The following DCDC2 variants were observed in gnomAD, a reference collection of about 807,000 sequenced individuals.
The protein encoded by DCDC2 is doublecortin domain-containing protein 2.
DCDC2 carries 40 observed loss-of-function variants against 50.2 expected under a neutral mutation model. The observed-to-expected ratio is 0.80, with a 90% confidence interval of 0.62 to 1.04. DCDC2 has a LOEUF of 1.04. Ranked by LOEUF, DCDC2 falls within the 50% of genes least tolerant of loss-of-function variation. DCDC2 has a pLI of 0.00. For missense variants in DCDC2, 570 were observed against 581.9 expected (o/e 0.98, Z 0.21); for synonymous variants, 234 against 210.6 (o/e 1.11, Z -0.96).
At chr6:24,276,885 G>A (rs1227721236) in intron 7 of DCDC2, among the ~76,000 whole-genome samples, 3 of 151,980 alleles carry the variant, frequency 2.0e-5, no homozygotes, top group Non-Finnish European at 2.9e-5. Context: ...TAAATGAGCT[G>A]CCCAAGGTCA....
chr6:24,286,716 A>C (rs1157322330), intron 6 of DCDC2, among the ~76,000 whole-genome samples: 1 of 152,096 alleles, frequency 6.6e-6, no homozygotes, highest in Non-Finnish European at 1.5e-5. Flanking sequence ...GATACTTCCA[A>C]CTCAACATGT....
intron 7 of DCDC2, among the ~76,000 whole-genome samples, chr6:24,269,299 C>T (rs1324316699): frequency 6.6e-6 from 1 of 151,834 alleles, no homozygotes; most frequent in Non-Finnish European, 1.5e-5. Flanking sequence ...TCTATAAGGA[C>T]AAAATTAATA....
chr6:24,249,344 T>C (rs1206291059), intron 7 of DCDC2, among the ~76,000 whole-genome samples: 1 of 152,218 alleles, frequency 6.6e-6, no homozygotes, highest in Non-Finnish European at 1.5e-5. Context: ...AATCTGATAG[T>C]TTGAGTCCCA....
chr6:24,359,169 TTATA>T (rs1158302280), upstream of DCDC2, among the ~76,000 whole-genome samples: 8 of 68,144 alleles, frequency 1.2e-4, no homozygotes, highest in South Asian at 2.2e-3. Context: ...TTTATATATT[TTATA>T]TATATTTTAT....
intron 7 of DCDC2, among the ~76,000 whole-genome samples, chr6:24,254,825 A>G (rs918239452): frequency 2.1e-5 from 2 of 97,468 alleles, no homozygotes; most frequent in African/African-American, 5.4e-5. Flanking sequence ...AATGTAATTC[A>G]TACTATAAAA....
At chr6:24,296,888 G>C (rs1027830262) in intron 4 of DCDC2, among the ~76,000 whole-genome samples, 9 of 152,178 alleles carry the variant, frequency 5.9e-5, no homozygotes, top group African/African-American at 2.2e-4. Context: ...TTCAATCATT[G>C]TGGAAAGCAG....
intron 2 of DCDC2, among the ~76,000 whole-genome samples, chr6:24,327,357 G>A (rs1023949003): frequency 1.3e-5 from 2 of 149,264 alleles, no homozygotes; most frequent in African/African-American, 4.8e-5. Flanking sequence ...TAGCTTCAGG[G>A]TCTTTAGCAA....
intron 7 of DCDC2, among the ~76,000 whole-genome samples, chr6:24,276,170 T>G (rs1217561344): frequency 1.3e-5 from 2 of 152,102 alleles, no homozygotes; most frequent in Admixed American, 6.6e-5. Context: ...TACCAGCCAA[T>G]AATTCAACTT....
intron 5 of DCDC2, among the ~76,000 whole-genome samples, chr6:24,289,923 G>C (rs116178461): frequency 6.8e-6 from 1 of 146,264 alleles, no homozygotes; most frequent in African/African-American, 2.5e-5. Context: ...TGGATCCCTG[G>C]GCACCATGAG....
At chr6:24,211,733 C>A (rs1761875505) in intron 7 of DCDC2, among the ~76,000 whole-genome samples, 1 of 152,170 alleles carries the variant, frequency 6.6e-6, no homozygotes, top group South Asian at 2.1e-4. Context: ...GGACATGAAT[C>A]CTTGCCTAGA....
chr6:24,247,366 C>CT (rs1469458657), intron 7 of DCDC2, among the ~76,000 whole-genome samples: 2 of 151,376 alleles, frequency 1.3e-5, no homozygotes, highest in Non-Finnish European at 2.9e-5. Context: ...CAGCAAATAC[C>CT]CATAACTTGG....
chr6:24,207,256 T>TTCTCTCTCTCTCTCTCTCTCTCTCTC (rs60603298), intron 7 of DCDC2, among the ~76,000 whole-genome samples: 22 of 129,686 alleles, frequency 1.7e-4, no homozygotes, highest in African/African-American at 4.7e-4. Flanking sequence ...CCATCTATCT[T>TTCTCTCTCTCTCTCTCTCTCTCTCTC]TCTCTCTCTC....
intron 2 of DCDC2, among the ~76,000 whole-genome samples, chr6:24,342,691 A>G (rs1049575129): frequency 1.5e-5 from 2 of 133,594 alleles, no homozygotes; most frequent in Non-Finnish European, 1.5e-5. Flanking sequence ...GTAGTCTCCA[A>G]TTAAAAAAAA....
intron 4 of DCDC2, 34 bp from the exon 5 acceptor site, chr6:24,291,112 T>A (rs1561761090): frequency 6.3e-7 from 1 of 1,585,704 alleles, no homozygotes; most frequent in East Asian, 2.2e-5. Context: ...AATTAGAATT[T>A]TAACCAACAT....
At chr6:24,339,664 C>T (rs1760120279) in intron 2 of DCDC2, among the ~76,000 whole-genome samples, 1 of 152,150 alleles carries the variant, frequency 6.6e-6, no homozygotes, top group Non-Finnish European at 1.5e-5. Context: ...TTTAGGATCA[C>T]TTTGATGGAG....
intron 7 of DCDC2, among the ~76,000 whole-genome samples, chr6:24,255,876 T>G (rs533952479): frequency 6.6e-6 from 1 of 152,070 alleles, no homozygotes; most frequent in Non-Finnish European, 1.5e-5. Flanking sequence ...AGATGAAATA[T>G]GCAAATCATG....
At chr6:24,286,754 C>T (rs1763620252) in intron 6 of DCDC2, among the ~76,000 whole-genome samples, 1 of 152,184 alleles carries the variant, frequency 6.6e-6, no homozygotes, top group Non-Finnish European at 1.5e-5. Flanking sequence ...ATTCTTTGCC[C>T]TGGCTGCCTT....
At chr6:24,260,034 T>C (rs1488636602) in intron 7 of DCDC2, among the ~76,000 whole-genome samples, 1 of 152,192 alleles carries the variant, frequency 6.6e-6, no homozygotes, top group Non-Finnish European at 1.5e-5. Flanking sequence ...TTATTTTTAG[T>C]TTTTTAAATT....
upstream of DCDC2, among the ~76,000 whole-genome samples, chr6:24,359,041 TA>T (rs1250315954): frequency 1.9e-5 from 1 of 51,934 alleles, no homozygotes; most frequent in African/African-American, 8.5e-5. Flanking sequence ...ATTTTATATA[TA>T]TTATATATTT....
Sources: allele counts gnomAD v4.1 joint callset (sites outside exome capture counted in the v4.1 genomes callset), GRCh38; gene constraint gnomAD v4.1.1; transcripts MANE v1.5; gene names NCBI Gene and HGNC (gene_info 2026-07-23, HGNC 2026-07-21).